DOK6: variants seen among roughly 807,000 people sequenced by gnomAD.
DOK6 encodes the protein downstream of tyrosine kinase 6.
Under a neutral mutation model 44.0 loss-of-function variants are expected in DOK6, and 22 were observed. That is an observed-to-expected ratio of 0.50 (90% CI 0.36 to 0.71). The LOEUF is 0.71. Ranked by LOEUF, DOK6 falls within the 30% of genes least tolerant of loss-of-function variation. The probability of loss-of-function intolerance (pLI) is 0.00; values close to 1 mark genes in which losing one functional copy is unlikely to be tolerated. For missense variants in DOK6, 340 were observed against 416.4 expected (o/e 0.82, Z 1.60); for synonymous variants, 166 against 145.5 (o/e 1.14, Z -1.01).
chr18:69,815,274 T>C (rs576780080), intron 7 of DOK6, among the ~76,000 whole-genome samples: 1 of 152,252 alleles, frequency 6.6e-6, no homozygotes, highest in South Asian at 2.1e-4. Context: ...AGGGCTGACA[T>C]AGAAGGAAGG....
chr18:69,522,029 C>T (rs1281637972), intron 1 of DOK6, among the ~76,000 whole-genome samples: 1 of 151,896 alleles, frequency 6.6e-6, no homozygotes, highest in Non-Finnish European at 1.5e-5. Flanking sequence ...GTGAAAATTT[C>T]CATCTTTACT....
intron 1 of DOK6, among the ~76,000 whole-genome samples, chr18:69,544,627 T>C (rs1599183470): frequency 6.6e-6 from 1 of 151,570 alleles, no homozygotes; most frequent in Non-Finnish European, 1.5e-5. Context: ...TTTCAAACCA[T>C]ACAGTTAGAA....
At chr18:69,659,693 T>A (rs1985459459) in intron 3 of DOK6, 1 of 151,996 alleles carries the variant, frequency 6.6e-6, no homozygotes, top group South Asian at 2.1e-4. Context: ...AAAAAGGACG[T>A]TAATCTGACT....
chr18:69,731,277 A>C (rs2144731415), intron 5 of DOK6, among the ~76,000 whole-genome samples: 1 of 152,196 alleles, frequency 6.6e-6, no homozygotes, highest in East Asian at 1.9e-4. Flanking sequence ...ATAATTCATA[A>C]GATAATGGTA....
chr18:69,436,359 C>G (rs1199749782), intron 1 of DOK6, among the ~76,000 whole-genome samples: 4 of 152,028 alleles, frequency 2.6e-5, no homozygotes, highest in African/African-American at 9.7e-5. Flanking sequence ...TTATGTTCCC[C>G]TCCCTGTGTC....
At chr18:69,548,344 T>C (rs1982467691) in intron 1 of DOK6, among the ~76,000 whole-genome samples, 1 of 151,606 alleles carries the variant, frequency 6.6e-6, no homozygotes. Flanking sequence ...CACCTTTTTA[T>C]AGTTGACTTG....
chr18:69,700,976 A>C (rs1986505559), intron 5 of DOK6, among the ~76,000 whole-genome samples: 1 of 152,236 alleles, frequency 6.6e-6, no homozygotes, highest in Non-Finnish European at 1.5e-5. Flanking sequence ...TTATACTACT[A>C]TATGCACTAA....
intron 1 of DOK6, among the ~76,000 whole-genome samples, chr18:69,490,307 C>T (rs372111265): frequency 2.0e-4 from 31 of 152,196 alleles, no homozygotes; most frequent in East Asian, 5.8e-4. Context: ...ATTGTTTTAA[C>T]TGGCAAACTC....
intron 2 of DOK6, among the ~76,000 whole-genome samples, chr18:69,591,409 G>C (rs926187916): frequency 2.0e-5 from 3 of 151,978 alleles, no homozygotes; most frequent in African/African-American, 7.2e-5. Context: ...TTCAGACTTT[G>C]GTATTTGTCA....
At chr18:69,707,752 G>C (rs1210479196) in intron 5 of DOK6, among the ~76,000 whole-genome samples, 1 of 152,166 alleles carries the variant, frequency 6.6e-6, no homozygotes, top group Admixed American at 6.5e-5. Flanking sequence ...TTGGGAACTA[G>C]TGATAAGGTT....
At chr18:69,590,043 T>A (rs747480416) in intron 2 of DOK6, among the ~76,000 whole-genome samples, 33 of 152,042 alleles carry the variant, frequency 2.2e-4, no homozygotes, top group Non-Finnish European at 3.5e-4. Context: ...AGAGAATAAA[T>A]CCTATTCTTC....
intron 3 of DOK6, chr18:69,663,020 T>G (rs773950041): frequency 1.3e-5 from 2 of 152,234 alleles, no homozygotes; most frequent in Non-Finnish European, 2.9e-5. Flanking sequence ...GTTTTGAATC[T>G]CAAGTCCCTT....
chr18:69,558,967 T>A (rs1568296270), intron 1 of DOK6, among the ~76,000 whole-genome samples: 1 of 152,094 alleles, frequency 6.6e-6, no homozygotes, highest in South Asian at 2.1e-4. Flanking sequence ...TTTATAAACC[T>A]AAACTTATTC....
At chr18:69,404,018 T>C (rs1221615812) in intron 1 of DOK6, among the ~76,000 whole-genome samples, 2 of 152,218 alleles carry the variant, frequency 1.3e-5, no homozygotes. Flanking sequence ...TGAACATGCA[T>C]AGATATTTGA....
intron 3 of DOK6, among the ~76,000 whole-genome samples, chr18:69,672,435 C>T (rs865823724): frequency 1.3e-5 from 2 of 152,290 alleles, no homozygotes; most frequent in African/African-American, 2.4e-5. Flanking sequence ...CTCAGCTCAC[C>T]GCAAGCTCCG....
chr18:69,675,660 TATA>T (rs1985904913), intron 3 of DOK6, among the ~76,000 whole-genome samples: 2 of 151,918 alleles, frequency 1.3e-5, no homozygotes, highest in East Asian at 1.9e-4. Context: ...AAACTTAAAG[TATA>T]ATAATAAAAA....
chr18:69,563,324 T>A (rs1599194009), intron 1 of DOK6, among the ~76,000 whole-genome samples: 1 of 152,232 alleles, frequency 6.6e-6, no homozygotes, highest in East Asian at 1.9e-4. Flanking sequence ...AGATTATAAA[T>A]CATGCTGCTA....
chr18:69,532,765 T>C (rs1982020830), intron 1 of DOK6: 1 of 152,144 alleles, frequency 6.6e-6, no homozygotes. Flanking sequence ...AGGAGGGTAG[T>C]GTGGGAGAAT....
chr18:69,408,817 T>C (rs762426957), intron 1 of DOK6, among the ~76,000 whole-genome samples: 3 of 152,252 alleles, frequency 2.0e-5, no homozygotes, highest in Admixed American at 2.0e-4. Flanking sequence ...TTCTTATTTT[T>C]GTTGCTTGCT....
Sources: allele counts gnomAD v4.1 joint callset (sites outside exome capture counted in the v4.1 genomes callset), GRCh38; gene constraint gnomAD v4.1.1; transcripts MANE v1.5; gene names NCBI Gene and HGNC (gene_info 2026-07-23, HGNC 2026-07-21).